Variants in PDE4B observed in about 807,000 individuals in gnomAD.
PDE4B encodes the protein phosphodiesterase 4B.
A neutral mutation model predicts 82.2 loss-of-function variants in PDE4B; 20 were observed. The ratio of observed to expected loss-of-function variants is 0.24; its 90% confidence interval spans 0.17 to 0.35. The LOEUF is 0.35. Ranked by LOEUF, PDE4B falls within the 10% of genes least tolerant of loss-of-function variation. The probability of loss-of-function intolerance (pLI) is 1.00; values close to 1 mark genes in which losing one functional copy is unlikely to be tolerated. For synonymous variants in PDE4B, 320 were observed against 318.9 expected, an observed-to-expected ratio of 1.00 and a Z score of -0.04; for missense variants, 655 against 907.2, an observed-to-expected ratio of 0.72 and a Z score of 3.57.
At chr1:66,091,083 T>G (rs1184119890) in intron 3 of PDE4B, among the ~76,000 whole-genome samples, 1 of 152,016 alleles carries the variant, frequency 6.6e-6, no homozygotes, top group Non-Finnish European at 1.5e-5. Flanking sequence ...CTGTTCCACC[T>G]ATGTGATGGC....
chr1:65,795,345 A>G (rs1570941018), intron 1 of PDE4B, among the ~76,000 whole-genome samples: 1 of 152,318 alleles, frequency 6.6e-6, no homozygotes, highest in East Asian at 1.9e-4. Context: ...ATGTCATACA[A>G]TTTCACCCAT....
chr1:66,215,826 A>G (rs1306734266), intron 3 of PDE4B, among the ~76,000 whole-genome samples: 1 of 152,108 alleles, frequency 6.6e-6, no homozygotes, highest in Admixed American at 6.6e-5. Context: ...AGCTAAAGGG[A>G]TGATACATCC....
At chr1:65,911,346 A>G (rs371608060) in intron 1 of PDE4B, among the ~76,000 whole-genome samples, 4 of 152,192 alleles carry the variant, frequency 2.6e-5, no homozygotes, top group South Asian at 2.1e-4. Context: ...AAAACCTTCT[A>G]TAACCCTTAT....
intron 3 of PDE4B, among the ~76,000 whole-genome samples, chr1:65,957,402 G>C (rs1167272794): frequency 9.1e-6 from 1 of 109,984 alleles, no homozygotes; most frequent in African/African-American, 3.5e-5. Context: ...ATTTATGCAG[G>C]GGTCTGATTC....
intron 9 of PDE4B, among the ~76,000 whole-genome samples, chr1:66,357,019 C>A (rs1011119410): frequency 6.6e-6 from 1 of 152,182 alleles, no homozygotes; most frequent in African/African-American, 2.4e-5. Context: ...TTCAGATATA[C>A]CCTGCTCTGT....
At chr1:66,191,362 T>A (rs973406300) in intron 3 of PDE4B, among the ~76,000 whole-genome samples, 2 of 152,194 alleles carry the variant, frequency 1.3e-5, no homozygotes, top group Admixed American at 6.5e-5. Flanking sequence ...ATGTGAATGA[T>A]TTATTAGAGA....
intron 1 of PDE4B, among the ~76,000 whole-genome samples, chr1:65,818,627 A>G (rs1645912373): frequency 6.7e-6 from 1 of 150,216 alleles, no homozygotes. Flanking sequence ...TTATTATACA[A>G]TGAATGTTTA....
intron 3 of PDE4B, among the ~76,000 whole-genome samples, chr1:66,068,669 A>C (rs573178438): frequency 3.9e-4 from 59 of 152,146 alleles, no homozygotes; most frequent in African/African-American, 1.4e-3. Flanking sequence ...TCATTTAAAT[A>C]TAATCGCTCA....
intron 7 of PDE4B, among the ~76,000 whole-genome samples, chr1:66,307,377 C>G (rs971193494): frequency 6.6e-6 from 1 of 151,998 alleles, no homozygotes; most frequent in South Asian, 2.1e-4. Flanking sequence ...TGAGGTCCTG[C>G]AAGAAACTAG....
chr1:65,845,014 A>G (rs1646252950), intron 1 of PDE4B, among the ~76,000 whole-genome samples: 1 of 152,170 alleles, frequency 6.6e-6, no homozygotes, highest in African/African-American at 2.4e-5. Flanking sequence ...TGAATTTGCA[A>G]CTACAGTGAA....
intron 7 of PDE4B, among the ~76,000 whole-genome samples, chr1:66,303,484 A>C (rs1425463271): frequency 6.6e-6 from 1 of 152,042 alleles, no homozygotes; most frequent in African/African-American, 2.4e-5. Context: ...ATTTTCAAGC[A>C]TACAATACCT....
At chr1:66,190,534 C>T (rs141904708) in intron 3 of PDE4B, among the ~76,000 whole-genome samples, 4,384 of 152,284 alleles carry the variant, frequency 0.029, 102 homozygotes, top group Middle Eastern at 0.095. Context: ...TTGGCAATGG[C>T]GGGCACCCCT....
chr1:65,940,380 A>G (rs891433237), intron 3 of PDE4B, among the ~76,000 whole-genome samples: 1 of 152,130 alleles, frequency 6.6e-6, no homozygotes, highest in Admixed American at 6.6e-5. Context: ...CTTGTAGGCT[A>G]TATTAAGGAA....
At chr1:66,008,244 G>A (rs1167753639) in intron 3 of PDE4B, among the ~76,000 whole-genome samples, 1 of 152,138 alleles carries the variant, frequency 6.6e-6, no homozygotes, top group Non-Finnish European at 1.5e-5. Flanking sequence ...AGGATGAAAG[G>A]TTATGTTCCA....
chr1:65,815,025 AT>A (rs1645864958), intron 1 of PDE4B, among the ~76,000 whole-genome samples: 3 of 4,368 alleles, frequency 6.9e-4, no homozygotes. Context: ...CACACATTTT[AT>A]TTATTTATTT....
chr1:66,196,909 T>C (rs1648357423), intron 3 of PDE4B, among the ~76,000 whole-genome samples: 1 of 151,898 alleles, frequency 6.6e-6, no homozygotes, highest in Non-Finnish European at 1.5e-5. Flanking sequence ...TGTATACATA[T>C]GTAACTAACC....
At chr1:66,354,471 C>T (rs987243643) in intron 8 of PDE4B, 3 of 1,005,874 alleles carry the variant, frequency 3.0e-6, no homozygotes, top group Non-Finnish European at 3.6e-6. Context: ...TTGCAGAGTT[C>T]AGCTGAGTAG....
In PDE4B at chr1:65,842,533, G is replaced by T. The variant is rs1646219298; in HGVS notation, c.-71+49285G>T. 2.6e-5 allele frequency among the ~76,000 whole-genome samples: 4 copies of T among 152,110 alleles called. No homozygotes were observed. In the South Asian group the frequency reaches 6.2e-4, roughly 24 times the overall value. On this transcript the variant is annotated intron_variant, in intron 1 of 16. Coordinates refer to ENST00000341517, the MANE Select transcript of PDE4B (RefSeq NM_002600.4). ...GGAAGGAGGTATATTTATACCAACTGTAACAAGGAATATTTAATTCAGCAG... is the reference window on the plus strand; with the variant it reads ...GGAAGGAGGTATATTTATACCAACTTTAACAAGGAATATTTAATTCAGCAG...
chr1:65,810,024 C>T (rs1023370698), intron 1 of PDE4B, among the ~76,000 whole-genome samples: 10 of 152,238 alleles, frequency 6.6e-5, no homozygotes, highest in Admixed American at 4.6e-4. Flanking sequence ...GCTGCACTCT[C>T]TTTCAGCCTA....
Sources: gnomAD v4.1 joint callset for allele counts (sites outside exome capture counted in the v4.1 genomes callset) on GRCh38, gnomAD v4.1.1 for gene constraint, MANE v1.5 for transcripts, NCBI Gene and HGNC (gene_info 2026-07-23, HGNC 2026-07-21) for gene names.